GUCY1A2: variants seen among roughly 807,000 people sequenced by gnomAD.
GUCY1A2 encodes the protein guanylate cyclase 1 soluble subunit alpha 2.
A neutral mutation model predicts 63.5 loss-of-function variants in GUCY1A2; 27 were observed. The ratio of observed to expected loss-of-function variants is 0.43; its 90% confidence interval spans 0.31 to 0.59. GUCY1A2 has a LOEUF of 0.59. Among genes scored for constraint, GUCY1A2 ranks in the 20% least tolerant of loss-of-function variants. GUCY1A2 has a pLI of 0.11. For synonymous variants in GUCY1A2, 364 were observed against 343.5 expected (o/e 1.06, Z -0.66); for missense variants, 768 against 913.3 (o/e 0.84, Z 2.05).
intron 6 of GUCY1A2, among the ~76,000 whole-genome samples, chr11:106,712,066 T>C (rs1301118124): frequency 6.6e-6 from 1 of 152,082 alleles, no homozygotes; most frequent in African/African-American, 2.4e-5. Context: ...TGTGGGTTTA[T>C]AGTTTTTATC....
intron 6 of GUCY1A2, among the ~76,000 whole-genome samples, chr11:106,712,577 T>C (rs1863139479): frequency 6.9e-6 from 1 of 144,438 alleles, no homozygotes; most frequent in African/African-American, 2.8e-5. Context: ...ATTTGACTTC[T>C]TAAGTGCTGG....
chr11:106,871,579 T>G (rs1859678679), intron 4 of GUCY1A2, among the ~76,000 whole-genome samples: 1 of 152,150 alleles, frequency 6.6e-6, no homozygotes, highest in African/African-American at 2.4e-5. Flanking sequence ...CTTCTCTTCT[T>G]ACAAGGATAC....
rs779126994 is a variant in GUCY1A2 at position 106,967,922 on chromosome 11, T to C, written c.487+10697A>G. Among the ~76,000 whole-genome samples the C allele has an allele frequency of 5.3e-5, 8 of 152,250 alleles. No homozygotes were observed. The South Asian group carries it at 1.0e-3, about 20-fold the overall frequency. On this transcript the variant is annotated intron_variant, in intron 3 of 7. Coordinates refer to ENST00000526355, the MANE Select transcript of GUCY1A2 (RefSeq NM_000855.3). ...CCAGTTCCTGTGTGGGATTCAGAAA[T>C]AGAACTAAAGTCCTGAAGAGAAGTA...
chr11:106,816,955 T>A (rs1469156452), intron 4 of GUCY1A2, among the ~76,000 whole-genome samples: 1 of 152,036 alleles, frequency 6.6e-6, no homozygotes, highest in African/African-American at 2.4e-5. Context: ...ATGTATAATT[T>A]AAAGTTTTTT....
intron 6 of GUCY1A2, among the ~76,000 whole-genome samples, chr11:106,716,214 G>T (rs1446926484): frequency 6.6e-6 from 1 of 152,168 alleles, no homozygotes; most frequent in East Asian, 1.9e-4. Flanking sequence ...AAGGCTGAGG[G>T]AATATGCCCC....
intron 6 of GUCY1A2, among the ~76,000 whole-genome samples, chr11:106,763,409 T>A (rs376677713): frequency 3.3e-5 from 5 of 152,050 alleles, no homozygotes; most frequent in African/African-American, 1.2e-4. Context: ...GAAAACAACA[T>A]TAAATCTGTT....
chr11:106,851,351 TTAATA>T (rs1565309848), intron 4 of GUCY1A2, among the ~76,000 whole-genome samples: 1 of 151,968 alleles, frequency 6.6e-6, no homozygotes, highest in Non-Finnish European at 1.5e-5. Context: ...GCTTCTTAGT[TTAATA>T]TAATCCCATT....
intron 4 of GUCY1A2, among the ~76,000 whole-genome samples, chr11:106,885,107 G>A (rs1054704866): frequency 6.6e-6 from 1 of 152,112 alleles, no homozygotes; most frequent in Non-Finnish European, 1.5e-5. Flanking sequence ...TACGTCACCA[G>A]CTCAAAACAC....
chr11:106,698,112 T>C (rs1290403433), intron 7 of GUCY1A2, among the ~76,000 whole-genome samples: 1 of 134,186 alleles, frequency 7.5e-6, no homozygotes, highest in African/African-American at 3.0e-5. Context: ...TTTCACTGAA[T>C]GTTAGAATTT....
intron 4 of GUCY1A2, among the ~76,000 whole-genome samples, chr11:106,869,570 G>T (rs1191145986): frequency 6.6e-6 from 1 of 152,100 alleles, no homozygotes; most frequent in African/African-American, 2.4e-5. Flanking sequence ...AACATCTTAT[G>T]CCAGTTAGAA....
intron 4 of GUCY1A2, among the ~76,000 whole-genome samples, chr11:106,936,256 C>A (rs1406792051): frequency 1.3e-5 from 2 of 152,190 alleles, no homozygotes; most frequent in African/African-American, 4.8e-5. Flanking sequence ...AAATTCATCT[C>A]AAATTTACCA....
intron 5 of GUCY1A2, among the ~76,000 whole-genome samples, chr11:106,806,663 GAAAC>G (rs1858691263): frequency 6.6e-6 from 1 of 152,090 alleles, no homozygotes; most frequent in African/African-American, 2.4e-5. Flanking sequence ...AATTACAAGA[GAAAC>G]AAAATTATAA....
At chr11:106,909,770 G>C (rs531203783) in intron 4 of GUCY1A2, among the ~76,000 whole-genome samples, 4 of 151,816 alleles carry the variant, frequency 2.6e-5, no homozygotes, top group Non-Finnish European at 5.9e-5. Flanking sequence ...GGAAATCTGG[G>C]TTGCTTTTGG....
At chr11:106,847,725 A>C (rs371548288) in intron 4 of GUCY1A2, among the ~76,000 whole-genome samples, 4 of 151,838 alleles carry the variant, frequency 2.6e-5, no homozygotes, top group African/African-American at 9.6e-5. Context: ...AGGTGTATAA[A>C]TCCATTGTAT....
intron 5 of GUCY1A2, among the ~76,000 whole-genome samples, chr11:106,789,026 C>A (rs920042392): frequency 2.6e-5 from 4 of 152,180 alleles, no homozygotes; most frequent in African/African-American, 7.2e-5. Context: ...TTCTTCCAAT[C>A]CATCAACATG....
chr11:106,786,347 T>C (rs1487810620), intron 5 of GUCY1A2, among the ~76,000 whole-genome samples: 2 of 152,198 alleles, frequency 1.3e-5, no homozygotes, highest in African/African-American at 2.4e-5. Flanking sequence ...TAAGGATGAC[T>C]CTACACAGTG....
At chr11:107,005,509 A>G (rs1440372614) in intron 1 of GUCY1A2, among the ~76,000 whole-genome samples, 1 of 152,196 alleles carries the variant, frequency 6.6e-6, no homozygotes, top group African/African-American at 2.4e-5. Context: ...CCCGGGCTCA[A>G]GCGATCCTCC....
chr11:106,830,702 G>A (rs1421704886), intron 4 of GUCY1A2, among the ~76,000 whole-genome samples: 1 of 152,142 alleles, frequency 6.6e-6, no homozygotes, highest in Non-Finnish European at 1.5e-5. Context: ...TCCTAATGTG[G>A]AACCTCACCT....
In GUCY1A2 at chr11:106,675,518, A is replaced by G. The variant is rs1420063381; in HGVS notation, c.*12031T>C. ...ATCTGGGCCTTCAATAACTTAGTAGAAGGCAATAAAATAGAGGGAAAAATG... is the reference window on the plus strand; with the variant it reads ...ATCTGGGCCTTCAATAACTTAGTAGGAGGCAATAAAATAGAGGGAAAAATG... On this transcript the variant is annotated 3_prime_UTR_variant, in exon 8 of 8. Coordinates refer to ENST00000526355, the MANE Select transcript of GUCY1A2 (RefSeq NM_000855.3). 1.5e-5 allele frequency: 3 copies of G among 198,882 alleles called. No homozygotes were observed. The highest frequency in any genetic ancestry group is 3.1e-5 in the Non-Finnish European group (3 of 96,310). The allele number at this position is 198,882 out of a possible 1,614,324, so 12.3% of individuals were successfully genotyped here. A position where few individuals can be genotyped will look rare whatever the true frequency, so the allele number is the denominator to read the frequency against.
Sources: allele counts gnomAD v4.1 joint callset (sites outside exome capture counted in the v4.1 genomes callset), GRCh38; gene constraint gnomAD v4.1.1; transcripts MANE v1.5; gene names NCBI Gene and HGNC (gene_info 2026-07-23, HGNC 2026-07-21).